Variants in ZNF804A observed in about 807,000 individuals in gnomAD.
ZNF804A encodes zinc finger protein 804A.
In ZNF804A, 2 loss-of-function variants were observed where a neutral mutation model predicts 16.5. The observed-to-expected ratio is 0.12, with a 90% CI of 0.05 to 0.38. The LOEUF (loss-of-function observed/expected upper bound fraction) is 0.38, where lower values mean the gene tolerates loss of function less well. ZNF804A is among the 10% of genes least tolerant of loss of function. The pLI is 0.99. For synonymous variants in ZNF804A, 534 were observed against 489.6 expected (o/e 1.09, Z -1.20); for missense variants, 1,473 against 1,390.7 (o/e 1.06, Z -0.94).
intron 1 of ZNF804A, among the ~76,000 whole-genome samples, chr2:184,635,823 C>T (rs957710291): frequency 3.9e-5 from 6 of 152,026 alleles, no homozygotes; most frequent in African/African-American, 1.4e-4. Flanking sequence ...AGATCATAGA[C>T]TTAGCATACA....
At chr2:184,795,586 A>G (rs1315321578) in intron 1 of ZNF804A, among the ~76,000 whole-genome samples, 1 of 152,180 alleles carries the variant, frequency 6.6e-6, no homozygotes, top group African/African-American at 2.4e-5. Context: ...GTAGAAATAA[A>G]TGAAACTGAA....
At chr2:184,765,431 A>C (rs1283746429) in intron 1 of ZNF804A, among the ~76,000 whole-genome samples, 5 of 152,158 alleles carry the variant, frequency 3.3e-5, no homozygotes, top group Non-Finnish European at 7.4e-5. Flanking sequence ...CTGGTAGTTA[A>C]AGACCCACCC....
chr2:184,725,502 C>A (rs1693395663), intron 1 of ZNF804A, among the ~76,000 whole-genome samples: 1 of 151,482 alleles, frequency 6.6e-6, no homozygotes, highest in Admixed American at 6.6e-5. Flanking sequence ...TTGTAATTAC[C>A]CATTTTGAAA....
intron 1 of ZNF804A, among the ~76,000 whole-genome samples, chr2:184,785,346 A>C (rs1273853030): frequency 2.0e-5 from 3 of 152,058 alleles, no homozygotes; most frequent in Non-Finnish European, 4.4e-5. Flanking sequence ...AAGTGTGCTT[A>C]AGTGCAATTA....
intron 1 of ZNF804A, among the ~76,000 whole-genome samples, chr2:184,629,231 T>C (rs940047735): frequency 6.6e-6 from 1 of 152,176 alleles, no homozygotes; most frequent in Admixed American, 6.5e-5. Flanking sequence ...CACTTTATTG[T>C]GTCTCTTGTC....
intron 1 of ZNF804A, among the ~76,000 whole-genome samples, chr2:184,840,053 A>T (rs1273445881): frequency 1.3e-5 from 2 of 152,156 alleles, no homozygotes; most frequent in Non-Finnish European, 2.9e-5. Flanking sequence ...AACCCATTGA[A>T]AGCTACTTCT....
Position 184,864,875 on chromosome 2 carries a change from A to ATTTTTT in ZNF804A, c.112-1476_112-1471dup, listed in dbSNP as rs34114485. Among the ~76,000 whole-genome samples the ATTTTTT allele has an allele frequency of 1.3e-3, 140 of 105,450 alleles. 5 individuals are homozygous for ATTTTTT. The highest frequency in any genetic ancestry group is 1.7e-3 in the Non-Finnish European group (92 of 55,508). The allele number at this position is 105,450 out of a possible 152,430, so 69.2% of individuals were successfully genotyped here. A position where few individuals can be genotyped will look rare whatever the true frequency, so the allele number is the denominator to read the frequency against. On this transcript the variant is annotated intron_variant, in intron 1 of 3. Transcript: ENST00000302277. Reference sequence around the variant, plus strand: ...TAAGAGACTTGAATATATAGTTAGGATTTTTTTTTTTTTTTTTTTTTTTGA... The same window carrying ATTTTTT: ...TAAGAGACTTGAATATATAGTTAGGATTTTTTTTTTTTTTTTTTTTTTTTTTTTTGA...
chr2:184,795,414 C>G (rs1027303408), intron 1 of ZNF804A, among the ~76,000 whole-genome samples: 1 of 152,010 alleles, frequency 6.6e-6, no homozygotes, highest in East Asian at 1.9e-4. Context: ...TGCAGTACAA[C>G]AAAGGTGGTG....
intron 1 of ZNF804A, among the ~76,000 whole-genome samples, chr2:184,750,227 T>C (rs959264740): frequency 2.6e-5 from 4 of 151,378 alleles, no homozygotes; most frequent in African/African-American, 9.7e-5. Flanking sequence ...TACATGATAA[T>C]GTCAATGAAA....
At chr2:184,671,190 T>A (rs1353132220) in intron 1 of ZNF804A, among the ~76,000 whole-genome samples, 2 of 152,206 alleles carry the variant, frequency 1.3e-5, no homozygotes, top group African/African-American at 4.8e-5. Flanking sequence ...TTTGAATCAA[T>A]GAGCCCAGTT....
intron 1 of ZNF804A, among the ~76,000 whole-genome samples, chr2:184,779,187 A>G (rs967790405): frequency 6.6e-6 from 1 of 151,656 alleles, no homozygotes; most frequent in East Asian, 1.9e-4. Flanking sequence ...CTGTAGTTGT[A>G]CAGGCAGGTT....
chr2:184,939,030 T>C lies in ZNF804A; in HGVS notation c.*4T>C, dbSNP rs770847397. Reference sequence around the variant, plus strand: ...CCCTTTGCAACCTCTCTTCTAGTCATCACCATAATGGGAAAAAAATACTCT... The same window carrying C: ...CCCTTTGCAACCTCTCTTCTAGTCACCACCATAATGGGAAAAAAATACTCT... On this transcript the variant is annotated 3_prime_UTR_variant, in exon 4 of 4. Transcript: ENST00000302277. 1.9e-6 allele frequency: 3 copies of C among 1,611,894 alleles called. No homozygotes were observed. The highest frequency in any genetic ancestry group is 2.2e-5 in the South Asian group (2 of 91,018).
intron 2 of ZNF804A, among the ~76,000 whole-genome samples, chr2:184,885,658 G>C (rs867470925): frequency 6.6e-6 from 1 of 152,134 alleles, no homozygotes; most frequent in Non-Finnish European, 1.5e-5. Flanking sequence ...GTTCTGAGGA[G>C]GTCTCAGAAT....
At chr2:184,869,608 A>C (rs549090453) in intron 2 of ZNF804A, among the ~76,000 whole-genome samples, 19 of 152,158 alleles carry the variant, frequency 1.2e-4, no homozygotes, top group Admixed American at 3.3e-4. Context: ...ATACGTTCTT[A>C]TTATTATTAC....
chr2:184,754,771 T>G (rs1019743100), intron 1 of ZNF804A, among the ~76,000 whole-genome samples: 1 of 151,840 alleles, frequency 6.6e-6, no homozygotes, highest in Non-Finnish European at 1.5e-5. Flanking sequence ...CATCTTTTTT[T>G]TAAAAAAAAT....
chr2:184,851,173 TTTTAA>T (rs1244080863), intron 1 of ZNF804A, among the ~76,000 whole-genome samples: 1 of 151,890 alleles, frequency 6.6e-6, no homozygotes, highest in African/African-American at 2.4e-5. Context: ...CCTCATATAC[TTTTAA>T]TTTGTTTGTG....
intron 2 of ZNF804A, among the ~76,000 whole-genome samples, chr2:184,897,597 T>C (rs1248189785): frequency 1.3e-5 from 2 of 152,106 alleles, no homozygotes; most frequent in Non-Finnish European, 2.9e-5. Flanking sequence ...AATTTGGAAA[T>C]TGTCTTCCTA....
At chr2:184,650,850 A>G (rs1691971861) in intron 1 of ZNF804A, among the ~76,000 whole-genome samples, 1 of 152,166 alleles carries the variant, frequency 6.6e-6, no homozygotes, top group Non-Finnish European at 1.5e-5. Flanking sequence ...AAGAATCAGT[A>G]TTGTTAAAAA....
intron 1 of ZNF804A, among the ~76,000 whole-genome samples, chr2:184,712,133 A>G (rs1394669961): frequency 1.3e-5 from 2 of 151,582 alleles, no homozygotes; most frequent in Non-Finnish European, 3.0e-5. Flanking sequence ...GATCTCTTTA[A>G]TTTCTTTCAT....
Sources: allele counts gnomAD v4.1 joint callset (sites outside exome capture counted in the v4.1 genomes callset), GRCh38; gene constraint gnomAD v4.1.1; transcripts MANE v1.5; gene names NCBI Gene and HGNC (gene_info 2026-07-23, HGNC 2026-07-21).